The following RASGRP1 variants were observed in gnomAD, a reference collection of about 807,000 sequenced individuals.
RASGRP1 encodes RAS guanyl releasing protein 1, also known as RAS guanyl-releasing protein 1.
RASGRP1 carries 37 observed loss-of-function variants against 95.1 expected under a neutral mutation model. That is an observed-to-expected ratio of 0.39 (90% CI 0.30 to 0.51). The LOEUF (loss-of-function observed/expected upper bound fraction) is 0.51, where lower values mean the gene tolerates loss of function less well. Among genes scored for constraint, RASGRP1 ranks in the 20% least tolerant of loss-of-function variants. The pLI, the probability that RASGRP1 is intolerant of heterozygous loss-of-function variation, is 0.80. For missense variants in RASGRP1, 711 were observed against 965.4 expected (o/e 0.74, Z 3.49); for synonymous variants, 325 against 353.4 (o/e 0.92, Z 0.90).
intron 8 of RASGRP1, among the ~76,000 whole-genome samples, chr15:38,510,002 A>G (rs904126285): frequency 6.6e-6 from 1 of 152,114 alleles, no homozygotes; most frequent in Admixed American, 6.5e-5. Context: ...AACCTCTACC[A>G]ATGGTGCAGG....
chr15:38,535,946 G>T (rs1247793569), intron 2 of RASGRP1, among the ~76,000 whole-genome samples: 1 of 152,118 alleles, frequency 6.6e-6, no homozygotes, highest in African/African-American at 2.4e-5. Flanking sequence ...TCTGTGGGTG[G>T]GGTTTGGGGA....
intron 2 of RASGRP1, among the ~76,000 whole-genome samples, chr15:38,540,207 C>G (rs142944446): frequency 0.011 from 1,724 of 152,258 alleles, 39 homozygotes; most frequent in African/African-American, 0.039. Context: ...GGATTATAGG[C>G]ATGAGTCACT....
chr15:38,499,968 G>T, intron 14 of RASGRP1, 135 bp downstream of exon 14: 1 of 780,766 alleles, frequency 1.3e-6, no homozygotes, highest in Non-Finnish European at 2.1e-6. Context: ...GTTTCCTTAG[G>T]CCTCACCAGC....
intron 2 of RASGRP1, among the ~76,000 whole-genome samples, chr15:38,531,444 G>C (rs1295996679): frequency 1.3e-5 from 2 of 152,218 alleles, no homozygotes; most frequent in African/African-American, 4.8e-5. Flanking sequence ...TGCACATTTC[G>C]TGAAATAGCT....
intron 15 of RASGRP1, among the ~76,000 whole-genome samples, chr15:38,496,954 T>C (rs967093639): frequency 6.6e-6 from 1 of 152,238 alleles, no homozygotes; most frequent in Non-Finnish European, 1.5e-5. Flanking sequence ...GATAGTGGCC[T>C]TACCACTTTA....
intron 2 of RASGRP1, among the ~76,000 whole-genome samples, chr15:38,547,261 C>T (rs1235196603): frequency 6.6e-6 from 1 of 152,156 alleles, no homozygotes; most frequent in Non-Finnish European, 1.5e-5. Context: ...TCAGACCTTC[C>T]CATTGTAATG....
intron 2 of RASGRP1, among the ~76,000 whole-genome samples, chr15:38,541,210 A>T (rs1039290873): frequency 5.9e-5 from 9 of 152,236 alleles, no homozygotes; most frequent in Non-Finnish European, 1.0e-4. Flanking sequence ...TAGGGACTGT[A>T]TCCACTTTAC....
At chr15:38,542,842 T>TATATATGTGTGTATATATATAC (rs1892930391) in intron 2 of RASGRP1, among the ~76,000 whole-genome samples, 98 of 115,278 alleles carry the variant, frequency 8.5e-4, no homozygotes, top group Middle Eastern at 9.1e-3. Flanking sequence ...TGTGTATATA[T>TATATATGTGTGTATATATATAC]ATATATGTGT....
At chr15:38,562,812 C>T (rs1178231064) in intron 1 of RASGRP1, among the ~76,000 whole-genome samples, 1 of 152,100 alleles carries the variant, frequency 6.6e-6, no homozygotes, top group African/African-American at 2.4e-5. Flanking sequence ...CTAATCCTGC[C>T]CTGTTTTCTA....
intron 3 of RASGRP1, among the ~76,000 whole-genome samples, chr15:38,521,424 G>C (rs1162276018): frequency 6.6e-6 from 1 of 152,192 alleles, no homozygotes; most frequent in Non-Finnish European, 1.5e-5. Context: ...TTCTGACAGT[G>C]CACGTTGGCT....
chr15:38,532,050 G>T (rs1053269816), intron 2 of RASGRP1, among the ~76,000 whole-genome samples: 2 of 152,060 alleles, frequency 1.3e-5, no homozygotes, highest in African/African-American at 4.8e-5. Flanking sequence ...TTTGAAAGAC[G>T]AGATTTTCAA....
chr15:38,518,100 C>T (rs938688056), intron 5 of RASGRP1, among the ~76,000 whole-genome samples, 192 bp downstream of exon 5: 2 of 152,144 alleles, frequency 1.3e-5, no homozygotes, highest in Non-Finnish European at 2.9e-5. Flanking sequence ...ACCATGAGGC[C>T]TCTCTGCTTT....
At chr15:38,547,174 A>G (rs1422270807) in intron 2 of RASGRP1, among the ~76,000 whole-genome samples, 1 of 152,190 alleles carries the variant, frequency 6.6e-6, no homozygotes, top group Non-Finnish European at 1.5e-5. Flanking sequence ...GTGGATTTTC[A>G]TGTAGCCTAT....
At chr15:38,503,662 C>G in intron 10 of RASGRP1, 1 of 402,554 alleles carries the variant, frequency 2.5e-6, no homozygotes, top group Non-Finnish European at 4.4e-6. Context: ...CCATTAAACC[C>G]TTTGTCAGAG....
chr15:38,507,796 C>G lies in RASGRP1; in HGVS notation c.1172G>C (p.Ser391Thr), dbSNP rs753411664. 32 of 1,611,060 alleles carry G rather than the reference C, an allele frequency of 2.0e-5. No individual in the cohort carries two copies. The highest frequency in any genetic ancestry group is 2.6e-5 in the Non-Finnish European group (31 of 1,178,914). ...CACCTCTTGCAGCTGGACCAATTCA[C>G]TGATATGATTGTATAGGGCCAGTAG... ...HKLLALYNHI[S>T]ELVQLQEVAP... Residue 391 changes from serine (S) to threonine (T), a missense_variant, in exon 9 of 17, where the codon AGT becomes ACT. This residue lies in a region of RASGRP1 where 491 missense variants were observed against 676.6 expected (regional missense o/e 0.73). Coordinates refer to ENST00000310803, the MANE Select transcript of RASGRP1 (RefSeq NM_005739.4).
intron 14 of RASGRP1, 111 bp from the exon 15 acceptor site, chr15:38,499,057 T>C: frequency 7.1e-7 from 1 of 1,414,264 alleles, no homozygotes; most frequent in Non-Finnish European, 9.9e-7. Flanking sequence ...CTGTTCTATC[T>C]TCTGGAGCTA....
At chr15:38,501,000 C>G (rs892101500) in intron 13 of RASGRP1, 143 bp downstream of exon 13, 2 of 986,190 alleles carry the variant, frequency 2.0e-6, no homozygotes, top group Non-Finnish European at 2.8e-6. Context: ...AAAAACCACA[C>G]GCTTGAGCTC....
At chr15:38,555,586 T>A (rs949040206) in intron 2 of RASGRP1, among the ~76,000 whole-genome samples, 5 of 152,202 alleles carry the variant, frequency 3.3e-5, no homozygotes, top group Admixed American at 2.6e-4. Flanking sequence ...CAGCATATCC[T>A]CTCTTGAGAC....
chr15:38,503,568 G>A (rs184202896), intron 10 of RASGRP1, 192 bp from the exon 11 acceptor site: 22 of 594,276 alleles, frequency 3.7e-5, no homozygotes, highest in Non-Finnish European at 5.6e-5. Flanking sequence ...TTGTGCTTAC[G>A]GTTTCCAGAG....
Sources: allele counts gnomAD v4.1 joint callset (sites outside exome capture counted in the v4.1 genomes callset), GRCh38; gene constraint gnomAD v4.1.1; regional missense constraint gnomAD v4.1.1; transcripts MANE v1.5; gene names NCBI Gene and HGNC (gene_info 2026-07-23, HGNC 2026-07-21).